The following BCAN variants were observed in gnomAD, a reference collection of about 807,000 sequenced individuals.
BCAN encodes brevican core protein.
In BCAN, 51 loss-of-function variants were observed where a neutral mutation model predicts 92.4. The observed-to-expected ratio is 0.55, with a 90% confidence interval of 0.44 to 0.70. The LOEUF (loss-of-function observed/expected upper bound fraction) is 0.70, where lower values mean the gene tolerates loss of function less well. Among genes scored for constraint, BCAN ranks in the 30% least tolerant of loss-of-function variants. The pLI is 0.00. For missense variants in BCAN, 1,140 were observed against 1,212.1 expected (o/e 0.94, Z 0.88); for synonymous variants, 501 against 505.2 (o/e 0.99, Z 0.11).
At chr1:156,643,359 CA>C (rs1334904255) in intron 1 of BCAN, 6 of 152,170 alleles carry the variant, frequency 3.9e-5, no homozygotes, top group Admixed American at 1.3e-4. Flanking sequence ...ATGATGATTG[CA>C]ATTACTTCTA....
chr1:156,656,815 C>A, intron 9 of BCAN, 123 bp from the exon 10 acceptor site: 1 of 1,348,694 alleles, frequency 7.4e-7, no homozygotes, highest in Non-Finnish European at 1.0e-6. Context: ...TTTTGCACCG[C>A]CCTCCTGTCC....
chr1:156,649,762 C>T (rs1679101287), intron 6 of BCAN: 1 of 415,286 alleles, frequency 2.4e-6, no homozygotes, highest in Non-Finnish European at 4.7e-6. Flanking sequence ...CTCTCAGATG[C>T]AAAAGGCCCA....
rs1156755784 is a variant in BCAN, at chr1:156,651,651, C to T, written c.1259C>T (p.Thr420Ile). 1.2e-6 allele frequency: 2 copies of T among 1,613,460 alleles called. No homozygotes were observed. Among genetic ancestry groups the T allele is most frequent in the African/African-American group, 1.3e-5 (1 of 74,920 alleles). The stretch of plus-strand genomic sequence containing the variant: ...GAGGACGGAGGAGGTGGAAGCTCCA[C>T]TCCAGAAGACCCAGCAGAGGCCCCT... ...IMEDGGGGSS[T>I]PEDPAEAPRT... The change falls in exon 7 of 14, where the codon ACT (threonine) becomes ATT (isoleucine). Residue 420 changes from threonine to isoleucine, a missense_variant. Around this residue, in one of 3 missense-constraint regions of BCAN, gnomAD observed 825 missense variants for 871.8 expected, o/e 0.95. Coordinates refer to ENST00000329117, the MANE Select transcript of BCAN (RefSeq NM_021948.5).
In BCAN at chr1:156,646,062, A is replaced by C. The variant is rs778622516; in HGVS notation, c.8A>C (p.Gln3Pro). The C allele has an allele frequency of 6.2e-7, 1 of 1,612,988 alleles. No homozygotes were observed. The highest frequency in any genetic ancestry group is 1.1e-5 in the South Asian group (1 of 91,046). MA[Q>P]LFLPLLAALV... ...CCTCTGTCAGCCTGCAGCATGGCCC[A>C]GCTGTTCCTGCCCCTGCTGGCAGCC... Residue 3 changes from glutamine to proline, a missense_variant, in exon 2 of 14, where the codon CAG becomes CCG. Gln to Pro is a moderately conservative substitution (Grantham distance 76, BLOSUM62 -1). This residue lies in a region of BCAN where 286 missense variants were observed against 284.1 expected (regional missense o/e 1.01). Coordinates refer to ENST00000329117, the MANE Select transcript of BCAN (RefSeq NM_021948.5).
chr1:156,657,185 A>C, intron 10 of BCAN, 89 bp downstream of exon 10: 2 of 1,499,106 alleles, frequency 1.3e-6, no homozygotes, highest in Admixed American at 4.0e-5. Flanking sequence ...TAACCCATGC[A>C]CTTATTCCTT....
intron 2 of BCAN, 101 bp downstream of exon 2, chr1:156,646,246 TG>T: frequency 9.0e-7 from 1 of 1,116,720 alleles, no homozygotes; most frequent in Non-Finnish European, 1.3e-6. Context: ...TGGAGGGCTG[TG>T]GGGAAGCGTC....
At chr1:156,657,264 C>A in intron 10 of BCAN, 168 bp downstream of exon 10, 1 of 985,192 alleles carries the variant, frequency 1.0e-6, no homozygotes, top group Non-Finnish European at 1.5e-6. Context: ...CCCTTCCCAC[C>A]CTACGCTTAG....
intron 8 of BCAN, chr1:156,653,271 C>T (rs1056418993): frequency 1.1e-5 from 13 of 1,161,578 alleles, no homozygotes; most frequent in African/African-American, 7.9e-5. Context: ...TCCCTTCATC[C>T]GCCTGTGTGC....
intron 9 of BCAN, 48 bp downstream of exon 9, chr1:156,656,437 CA>C (rs749183226): frequency 3.1e-6 from 4 of 1,279,082 alleles, no homozygotes; most frequent in Non-Finnish European, 4.1e-6. Flanking sequence ...GACCCTGCCA[CA>C]ACGTGCTACT....
chr1:156,658,319 C>T lies in BCAN; in HGVS notation c.2437+48C>T. On this transcript the variant is annotated intron_variant, in intron 12 of 13. Transcript: ENST00000329117. This position sits in a 1 kb window ranked among gnomAD's most constrained non-coding sequence, Gnocchi z 4.4. ...CCCAGCAAGGAAGTGGAGGGGTGGG[C>T]TAGGGGACCAGAGGGACTGATGTTT... The T allele has an allele frequency of 6.2e-7, 1 of 1,601,120 alleles. No individual in the cohort carries two copies. Among genetic ancestry groups the T allele is most frequent in the Non-Finnish European group, 8.5e-7 (1 of 1,172,596 alleles).
intron 9 of BCAN, 113 bp downstream of exon 9, chr1:156,656,502 GT>G: frequency 4.9e-6 from 4 of 822,942 alleles, no homozygotes; most frequent in Non-Finnish European, 7.0e-6. Flanking sequence ...ATGAGTCCCT[GT>G]TTTAGGCAAG....
At chr1:156,648,904 G>A in intron 6 of BCAN, 43 bp downstream of exon 6, 1 of 1,518,114 alleles carries the variant, frequency 6.6e-7, no homozygotes, top group Admixed American at 2.0e-5. Context: ...ATCTCAGAAA[G>A]GCAGAGTTGA....
chr1:156,657,456 C>T, intron 10 of BCAN: 1 of 551,296 alleles, frequency 1.8e-6, no homozygotes, highest in East Asian at 3.1e-5. Context: ...CCAAAACTCC[C>T]CTTTTCTAGC....
Position 156,658,766 on chromosome 1 carries a change from A to G in BCAN, c.2628+33A>G. Reference sequence around the variant, plus strand: ...CCAGGAAGAGGCAGGTGGGAGTGGGAGACAGTAGCCAACAGTAGCCTTGGA... The same window carrying G: ...CCAGGAAGAGGCAGGTGGGAGTGGGGGACAGTAGCCAACAGTAGCCTTGGA... On this transcript the variant is annotated intron_variant, in intron 13 of 13. Transcript: ENST00000329117. The surrounding 1 kb of genome is among the most constrained non-coding windows in gnomAD (Gnocchi z 4.4). 1 of 1,612,520 alleles carries G rather than the reference A, an allele frequency of 6.2e-7. No individual in the cohort carries two copies. The highest frequency in any genetic ancestry group is 8.5e-7 in the Non-Finnish European group (1 of 1,179,174).
intron 7 of BCAN, 71 bp from the exon 8 acceptor site, chr1:156,652,177 C>T (rs1679185326): frequency 4.6e-6 from 7 of 1,520,166 alleles, no homozygotes; most frequent in Non-Finnish European, 6.2e-6. Context: ...TACTTTTCTC[C>T]CCTTCCCTTT....
rs113194954 is a variant in BCAN at position 156,642,365 on chromosome 1, C to T, written c.-9+90C>T. The T allele has an allele frequency of 0.028, 4,296 of 152,604 alleles. 203 individuals are homozygous for T. The highest frequency in any genetic ancestry group is 0.098 in the African/African-American group (4,086 of 41,554). 9.5% of individuals were successfully genotyped at this position (152,604 alleles called of 1,614,324 possible). ...CTGGTCTGCGCCCCCCGCCTGTCAG[C>T]CCTTGCCTCGAGGCTCTGGGGCACC... On this transcript the variant is annotated intron_variant, in intron 1 of 13. Coordinates refer to ENST00000329117, the MANE Select transcript of BCAN (RefSeq NM_021948.5). This position sits in a 1 kb window ranked among gnomAD's most constrained non-coding sequence, Gnocchi z 4.2.
chr1:156,647,692 G>A lies in BCAN; in HGVS notation c.641+10G>A. ...CGGATCAGACCGTGAGGTGGGCAGG[G>A]GCTGTGGATTGGGGCTTCTATTGGC... On this transcript the variant is annotated intron_variant, in intron 4 of 13. Transcript: ENST00000329117. The surrounding 1 kb of genome is among the most constrained non-coding windows in gnomAD (Gnocchi z 4.8). 6.3e-7 allele frequency: 1 copy of A among 1,575,746 alleles called. No individual in the cohort carries two copies. Among genetic ancestry groups the A allele is most frequent in the South Asian group, 1.2e-5 (1 of 85,558 alleles).
At chr1:156,657,357 C>T (rs1679370781) in intron 10 of BCAN, 4 of 571,222 alleles carry the variant, frequency 7.0e-6, no homozygotes, top group East Asian at 6.0e-5. Flanking sequence ...AGGGGGCCGC[C>T]TCCAATCCCT....
intron 2 of BCAN, 67 bp from the exon 3 acceptor site, chr1:156,646,734 G>T: frequency 6.7e-7 from 1 of 1,503,492 alleles, no homozygotes; most frequent in Non-Finnish European, 8.9e-7. Flanking sequence ...AGCGGGGCTT[G>T]GAGGCCACCG....
Sources: gnomAD v4.1 joint callset for allele counts on GRCh38, gnomAD v4.1.1 for gene constraint, gnomAD v4.1.1 regional missense constraint, Gnocchi (gnomAD v3.1) non-coding constraint, MANE v1.5 for transcripts, NCBI Gene and HGNC (gene_info 2026-07-23, HGNC 2026-07-21) for gene names.